MGAT4C: variants seen among roughly 807,000 people sequenced by gnomAD.
MGAT4C encodes the protein alpha-1,3-mannosyl-glycoprotein 4-beta-N-acetylglucosaminyltransferase C.
A neutral mutation model predicts 40.1 loss-of-function variants in MGAT4C; 19 were observed. The observed-to-expected ratio is 0.47, with a 90% CI of 0.33 to 0.70. MGAT4C has a LOEUF of 0.70. Ranked by LOEUF, MGAT4C falls within the 30% of genes least tolerant of loss-of-function variation. MGAT4C has a pLI of 0.02. For synonymous variants in MGAT4C, 181 were observed against 187.1 expected, an observed-to-expected ratio of 0.97 and a Z score of 0.27; for missense variants, 491 against 563.2, an observed-to-expected ratio of 0.87 and a Z score of 1.30.
intron 2 of MGAT4C, among the ~76,000 whole-genome samples, chr12:86,621,127 A>G (rs1175883941): frequency 1.3e-5 from 2 of 152,086 alleles, no homozygotes; most frequent in Admixed American, 6.5e-5. Flanking sequence ...ATAATTTTAT[A>G]TAGTACCCAA....
chr12:86,176,586 T>A (rs1465160791), intron 1 of MGAT4C, among the ~76,000 whole-genome samples: 2 of 152,002 alleles, frequency 1.3e-5, no homozygotes, highest in East Asian at 3.9e-4. Context: ...AATATGTACA[T>A]GTCAATCACT....
intron 1 of MGAT4C, among the ~76,000 whole-genome samples, chr12:86,127,556 T>C: frequency 6.6e-6 from 1 of 152,212 alleles, no homozygotes. Flanking sequence ...ACTTATCTTA[T>C]AAACATTTTA....
At chr12:86,432,676 G>A (rs978624918) in intron 3 of MGAT4C, among the ~76,000 whole-genome samples, 1 of 151,950 alleles carries the variant, frequency 6.6e-6, no homozygotes, top group African/African-American at 2.4e-5. Flanking sequence ...GAAATGGGAT[G>A]CAATTTTATC....
intron 4 of MGAT4C, among the ~76,000 whole-genome samples, chr12:86,327,586 T>G (rs1469834795): frequency 6.6e-6 from 1 of 152,004 alleles, no homozygotes; most frequent in Non-Finnish European, 1.5e-5. Flanking sequence ...TCAAATTTGT[T>G]TAAGTGGAAA....
intron 1 of MGAT4C, among the ~76,000 whole-genome samples, chr12:86,217,319 C>T (rs1208025182): frequency 6.6e-6 from 1 of 152,142 alleles, no homozygotes; most frequent in Non-Finnish European, 1.5e-5. Context: ...GGATTACAGG[C>T]ACATGCCACT....
chr12:86,435,961 C>A (rs1161218952), intron 2 of MGAT4C, among the ~76,000 whole-genome samples: 1 of 151,794 alleles, frequency 6.6e-6, no homozygotes, highest in Non-Finnish European at 1.5e-5. Flanking sequence ...TTCTTGTTAT[C>A]AAATGAATAT....
intron 2 of MGAT4C, among the ~76,000 whole-genome samples, chr12:86,631,302 T>C (rs1963031729): frequency 6.6e-6 from 1 of 152,066 alleles, no homozygotes; most frequent in Admixed American, 6.6e-5. Context: ...ATAGGAAGAA[T>C]CAAAATCGTG....
intron 1 of MGAT4C, among the ~76,000 whole-genome samples, chr12:86,122,539 A>G (rs1879541896): frequency 6.6e-6 from 1 of 152,154 alleles, no homozygotes; most frequent in Admixed American, 6.6e-5. Context: ...ATTAATCTAT[A>G]ACATCTCTAA....
chr12:85,992,918 G>A (rs1886125863), intron 2 of MGAT4C, among the ~76,000 whole-genome samples: 1 of 152,206 alleles, frequency 6.6e-6, no homozygotes, highest in Non-Finnish European at 1.5e-5. Context: ...GGGAAATAGG[G>A]AAGCAAACCC....
chr12:86,291,877 C>T (rs1953527293), intron 4 of MGAT4C, among the ~76,000 whole-genome samples: 1 of 152,092 alleles, frequency 6.6e-6, no homozygotes, highest in African/African-American at 2.4e-5. Flanking sequence ...TAATGAAATA[C>T]TGGGTGGCCA....
intron 1 of MGAT4C, among the ~76,000 whole-genome samples, chr12:86,803,491 G>A (rs1952275516): frequency 6.6e-6 from 1 of 151,936 alleles, no homozygotes; most frequent in Admixed American, 6.6e-5. Context: ...CTACAACATG[G>A]AAGAAAATTT....
chr12:86,048,403 C>CAAACGACAGTG (rs1199546906), intron 2 of MGAT4C, among the ~76,000 whole-genome samples: 1 of 151,822 alleles, frequency 6.6e-6, no homozygotes, highest in African/African-American at 2.4e-5. Context: ...ATTCATATAC[C>CAAACGACAGTG]AAACGACAGT....
At chr12:86,175,375 A>C (rs970431463) in intron 1 of MGAT4C, among the ~76,000 whole-genome samples, 1 of 152,146 alleles carries the variant, frequency 6.6e-6, no homozygotes, top group Admixed American at 6.5e-5. Context: ...CATTGCTTTT[A>C]CATCCTAAAT....
chr12:86,083,563 C>T (rs952851), intron 1 of MGAT4C, among the ~76,000 whole-genome samples: 86,500 of 151,642 alleles, frequency 0.57, 25,521 homozygotes, highest in East Asian at 0.91. Flanking sequence ...CTTGTGAGTA[C>T]AAATAAAATC....
At position 86,825,144 on chromosome 12, in the gene MGAT4C, T is replaced by G. The variant is rs116297209; in HGVS notation, c.-262+13522A>C. Reference sequence around the variant, plus strand: ...GGTGAAGAAATAGAAGGTATGTACTTAATGCCTAAATATAGAAATGATATA... The same window carrying G: ...GGTGAAGAAATAGAAGGTATGTACTGAATGCCTAAATATAGAAATGATATA... On this transcript the variant is annotated intron_variant, in intron 1 of 7. Transcript: ENST00000548651. Among the ~76,000 whole-genome samples, 589 of 151,284 alleles carry G rather than the reference T, an allele frequency of 3.9e-3. 2 individuals carry two copies. The highest frequency in any genetic ancestry group is 0.014 in the African/African-American group (576 of 41,404).
Position 86,739,592 on chromosome 12 carries a change from C to A in MGAT4C, c.-261-12351G>T, listed in dbSNP as rs1951035833. On this transcript the variant is annotated intron_variant, in intron 1 of 7. Transcript: ENST00000548651. ...CACAGACTTTTCTTATCATTATTCTCTAAACAATACAGAATAATAACAATT... is the reference window on the plus strand; with the variant it reads ...CACAGACTTTTCTTATCATTATTCTATAAACAATACAGAATAATAACAATT... Among the ~76,000 whole-genome samples the A allele has an allele frequency of 2.0e-5, 3 of 150,760 alleles. No homozygotes were observed. In the Admixed American group the frequency reaches 2.0e-4, roughly 10 times the overall value.
At chr12:85,995,544 G>A (rs763795978) in intron 2 of MGAT4C, among the ~76,000 whole-genome samples, 1 of 152,026 alleles carries the variant, frequency 6.6e-6, no homozygotes, top group Non-Finnish European at 1.5e-5. Context: ...AGCAAACTTG[G>A]ACTGGACATT....
chr12:86,048,452 C>T (rs542914521), intron 2 of MGAT4C, among the ~76,000 whole-genome samples: 29 of 151,498 alleles, frequency 1.9e-4, no homozygotes, highest in Non-Finnish European at 2.9e-4. Flanking sequence ...TGCACATGTA[C>T]ATCATGAACC....
chr12:86,240,999 C>T (rs889482050), intron 1 of MGAT4C, among the ~76,000 whole-genome samples: 11 of 152,082 alleles, frequency 7.2e-5, no homozygotes, highest in African/African-American at 2.4e-4. Flanking sequence ...AATCTCCCCA[C>T]TCTCACAGAA....
Sources: allele counts gnomAD v4.1 joint callset (sites outside exome capture counted in the v4.1 genomes callset), GRCh38; gene constraint gnomAD v4.1.1; transcripts MANE v1.5; gene names NCBI Gene and HGNC (gene_info 2026-07-23, HGNC 2026-07-21).